AHI1: variants seen among roughly 807,000 people sequenced by gnomAD.
AHI1 encodes the protein Abelson helper integration site 1.
AHI1 carries 123 observed loss-of-function variants against 149.3 expected under a neutral mutation model. That is an observed-to-expected ratio of 0.82 (90% CI 0.71 to 0.96). AHI1 has a LOEUF of 0.96. Among genes scored for constraint, AHI1 ranks in the 40% least tolerant of loss-of-function variants. The probability of loss-of-function intolerance (pLI) is 0.00; values close to 1 mark genes in which losing one functional copy is unlikely to be tolerated. For missense variants in AHI1, 1,439 were observed against 1,422.7 expected, an observed-to-expected ratio of 1.01 and a Z score of -0.18; for synonymous variants, 475 against 459.8, an observed-to-expected ratio of 1.03 and a Z score of -0.42.
At chr6:135,435,709 G>A (rs1412117336) in intron 15 of AHI1, among the ~76,000 whole-genome samples, 3 of 152,150 alleles carry the variant, frequency 2.0e-5, no homozygotes, top group Non-Finnish European at 4.4e-5. Context: ...AGATAGTTAT[G>A]GAAAGATAAT....
chr6:135,406,368 G>T (rs1780795593), intron 21 of AHI1, among the ~76,000 whole-genome samples: 2 of 152,304 alleles, frequency 1.3e-5, no homozygotes, highest in South Asian at 4.1e-4. Flanking sequence ...AACTGACTGT[G>T]GACATGGGAG....
chr6:135,325,476 C>T (rs930706642), intron 24 of AHI1, among the ~76,000 whole-genome samples: 5 of 152,226 alleles, frequency 3.3e-5, no homozygotes. Flanking sequence ...TGAGTGCTCA[C>T]CATGTTCTCG....
At chr6:135,463,390 A>T in intron 7 of AHI1, 84 bp from the exon 8 acceptor site, 1 of 1,140,394 alleles carries the variant, frequency 8.8e-7, no homozygotes, top group African/African-American at 1.6e-5. Context: ...TGAACAGTAA[A>T]TAGGAGCAAA....
At chr6:135,320,825 G>A (rs762666444) in intron 25 of AHI1, among the ~76,000 whole-genome samples, 65 of 152,172 alleles carry the variant, frequency 4.3e-4, no homozygotes, top group Non-Finnish European at 6.3e-4. Flanking sequence ...CATTGTGCCA[G>A]CAGCTCTTGA....
intron 26 of AHI1, chr6:135,301,310 A>G (rs1783856872): frequency 9.3e-6 from 9 of 972,546 alleles, no homozygotes; most frequent in Non-Finnish European, 9.8e-6. Flanking sequence ...TTTAAGTTCA[A>G]TAATATACAA....
chr6:135,422,022 T>C (rs926759107), intron 20 of AHI1, among the ~76,000 whole-genome samples: 3 of 152,170 alleles, frequency 2.0e-5, no homozygotes, highest in East Asian at 1.9e-4. Flanking sequence ...GAATGCCATA[T>C]AGAACGTAGA....
At position 135,457,487 on chromosome 6, in the gene AHI1, A is replaced by G. The variant is rs769339677; in HGVS notation, c.1151+7T>C. On this transcript the variant is annotated splice_region_variant and intron_variant, in intron 9 of 28. Coordinates refer to ENST00000265602, the MANE Select transcript of AHI1 (RefSeq NM_001134831.2). ...CAAGAATTAGTTGTGCAATTAAAAA[A>G]AATTACCTATCATCTTTCTTGACAT... 3 of 1,600,460 alleles carry G rather than the reference A, an allele frequency of 1.9e-6. No individual in the cohort carries two copies. The highest frequency in any genetic ancestry group is 3.4e-5 in the Admixed American group (2 of 58,652).
intron 24 of AHI1, among the ~76,000 whole-genome samples, chr6:135,327,588 T>G (rs879633892): frequency 1.3e-5 from 2 of 152,186 alleles, no homozygotes; most frequent in African/African-American, 2.4e-5. Flanking sequence ...GGTTTAATGG[T>G]GGGTATGTTA....
intron 20 of AHI1, among the ~76,000 whole-genome samples, chr6:135,419,577 T>G (rs1782860649): frequency 6.6e-6 from 1 of 152,134 alleles, no homozygotes; most frequent in Non-Finnish European, 1.5e-5. Context: ...AGTGTAGCAT[T>G]ATGTCTAAAA....
In AHI1 at chr6:135,428,737, C is replaced by T; in HGVS notation, c.2515G>A (p.Gly839Arg). 1 of 1,604,088 alleles carries T rather than the reference C, an allele frequency of 6.2e-7. No homozygotes were observed. Among genetic ancestry groups the T allele is most frequent in the Non-Finnish European group, 8.5e-7 (1 of 1,174,422 alleles). Residue 839 changes from glycine (G) to arginine (R), a missense_variant, in exon 19 of 29, where the codon GGA becomes AGA. Transcript: ENST00000265602. The stretch of plus-strand genomic sequence containing the variant: ...ATCTTCTCCCGATAATTTGCTGCTC[C>T]TACAAACTTCCTTGCTACTAATCTA... ...LRILVARKFV[G>R]AANYREKIHS... is the part of the protein sequence containing the mutation.
intron 10 of AHI1, among the ~76,000 whole-genome samples, chr6:135,454,374 C>T (rs890772459): frequency 2.0e-5 from 3 of 152,012 alleles, no homozygotes; most frequent in Admixed American, 6.6e-5. Flanking sequence ...TAATGACTGC[C>T]TACTATTCTG....
intron 26 of AHI1, chr6:135,301,291 G>C (rs1783852817): frequency 9.2e-6 from 9 of 976,826 alleles, no homozygotes; most frequent in Non-Finnish European, 1.1e-5. Context: ...AATATAAATT[G>C]TTACTATGTT....
chr6:135,454,251 C>G lies in AHI1; in HGVS notation c.1345-815G>C, dbSNP rs150806810. 3.5e-3 allele frequency among the ~76,000 whole-genome samples: 538 copies of G among 152,040 alleles called. 2 individuals carry two copies. Among genetic ancestry groups the G allele is most frequent in the African/African-American group, 0.013 (523 of 41,500 alleles). On this transcript the variant is annotated intron_variant, in intron 10 of 28. Coordinates refer to ENST00000265602, the MANE Select transcript of AHI1 (RefSeq NM_001134831.2). ...AGGCCAAATCTTTTTCTGTGCATTCCTAAACATATGTGTGGAACTACAAAT... is the reference window on the plus strand; with the variant it reads ...AGGCCAAATCTTTTTCTGTGCATTCGTAAACATATGTGTGGAACTACAAAT...
intron 23 of AHI1, among the ~76,000 whole-genome samples, chr6:135,375,309 A>G (rs553239977): frequency 6.1e-4 from 93 of 152,346 alleles, no homozygotes; most frequent in African/African-American, 2.2e-3. Flanking sequence ...CCGAGGGGAA[A>G]AAAACGAGCA....
rs368692222 is a variant in AHI1, at chr6:135,300,460, A to G, written c.3485+40T>C. 132 of 1,529,886 alleles carry G rather than the reference A, an allele frequency of 8.6e-5. 1 individual carries two copies. The highest frequency in any genetic ancestry group is 1.2e-4 in the Non-Finnish European group (131 of 1,137,172). The allele number at this position is 1,529,886 out of a possible 1,614,324, so 94.8% of individuals were successfully genotyped here. A position where few individuals can be genotyped will look rare whatever the true frequency, so the allele number is the denominator to read the frequency against. On this transcript the variant is annotated intron_variant, in intron 27 of 28. Transcript: ENST00000265602. Reference sequence around the variant, plus strand: ...AAATTATCCTTAAAAGAAAACCCCAACCATTTATCACTGCAAATTATTTTG... The same window carrying G: ...AAATTATCCTTAAAAGAAAACCCCAGCCATTTATCACTGCAAATTATTTTG...
At chr6:135,436,123 A>G (rs1018101225) in intron 15 of AHI1, among the ~76,000 whole-genome samples, 1 of 152,246 alleles carries the variant, frequency 6.6e-6, no homozygotes, top group African/African-American at 2.4e-5. Context: ...AGTCATTAGC[A>G]TATCAGCAAG....
chr6:135,413,154 C>A (rs1247953428), intron 20 of AHI1, among the ~76,000 whole-genome samples: 1 of 151,860 alleles, frequency 6.6e-6, no homozygotes, highest in African/African-American at 2.4e-5. Context: ...GATAATGAGA[C>A]CCTGTCTCTA....
chr6:135,492,351 G>A (rs1323987332), intron 3 of AHI1, 60 bp from the exon 4 acceptor site: 9 of 1,458,462 alleles, frequency 6.2e-6, no homozygotes, highest in East Asian at 2.6e-5. Flanking sequence ...ATTATAAAAC[G>A]TTCTTCACAC....
At chr6:135,462,982 C>A in intron 8 of AHI1, 143 bp downstream of exon 8, 1 of 611,370 alleles carries the variant, frequency 1.6e-6, no homozygotes, top group Non-Finnish European at 2.7e-6. Context: ...GTGCTTTAAT[C>A]TAGATGAATT....
Sources: allele counts gnomAD v4.1 joint callset (sites outside exome capture counted in the v4.1 genomes callset), GRCh38; gene constraint gnomAD v4.1.1; transcripts MANE v1.5; gene names NCBI Gene and HGNC (gene_info 2026-07-23, HGNC 2026-07-21).